Variants in KIAA0586 observed in about 807,000 individuals in gnomAD.
KIAA0586 encodes KIAA0586, also known as protein TALPID3.
In KIAA0586, 144 loss-of-function variants were observed where a neutral mutation model predicts 169.8. The ratio of observed to expected loss-of-function variants is 0.85; its 90% CI spans 0.74 to 0.97. The LOEUF is 0.97. KIAA0586 is among the 50% of genes least tolerant of loss of function. The probability of loss-of-function intolerance (pLI) is 0.00; values close to 1 mark genes in which losing one functional copy is unlikely to be tolerated. For missense variants in KIAA0586, 1,854 were observed against 1,823.0 expected (o/e 1.02, Z -0.31); for synonymous variants, 625 against 612.4 (o/e 1.02, Z -0.30).
intron 4 of KIAA0586, 34 bp from the exon 5 acceptor site, chr14:58,442,672 A>G (rs146550126): frequency 2.9e-6 from 4 of 1,401,392 alleles, no homozygotes; most frequent in Middle Eastern, 1.8e-4. Context: ...AATGTAGTTT[A>G]CTGAATACAT....
chr14:58,493,003 T>C (rs185229614), intron 26 of KIAA0586, among the ~76,000 whole-genome samples: 1 of 152,316 alleles, frequency 6.6e-6, no homozygotes, highest in East Asian at 1.9e-4. Flanking sequence ...GCTTGGGCAC[T>C]GTGGAGCCCA....
chr14:58,498,318 G>T (rs1459289847), intron 26 of KIAA0586, among the ~76,000 whole-genome samples: 1 of 152,194 alleles, frequency 6.6e-6, no homozygotes, highest in Middle Eastern at 3.4e-3. Flanking sequence ...TGGGACTACA[G>T]GTGTGTGCTG....
At chr14:58,443,898 G>T in intron 5 of KIAA0586, 56 bp from the exon 6 acceptor site, 1 of 997,006 alleles carries the variant, frequency 1.0e-6, no homozygotes, top group Non-Finnish European at 1.5e-6. Context: ...CTAGTAATTA[G>T]ACATATTTTT....
Position 58,527,417 on chromosome 14 carries a change from G to C in KIAA0586, c.4430-12654G>C, listed in dbSNP as rs538878166. On this transcript the variant is annotated intron_variant, in intron 29 of 30. Coordinates refer to ENST00000652326, the MANE Select transcript of KIAA0586 (RefSeq NM_001329943.3). ...ACACATAATCGTCAGATTCAACAAG[G>C]TTGAAATGAAGGAAAAAATGTTAAG... is the stretch of plus-strand genomic sequence containing the variant. 2.0e-3 allele frequency among the ~76,000 whole-genome samples: 299 copies of C among 152,250 alleles called. 1 individual carries two copies. Among genetic ancestry groups the C allele is most frequent in the African/African-American group, 6.9e-3 (287 of 41,526 alleles).
In KIAA0586 at chr14:58,470,706, G is replaced by C. The variant is rs747245461; in HGVS notation, c.2536G>C (p.Val846Leu). The C allele has an allele frequency of 3.9e-5, 62 of 1,571,476 alleles. 1 individual carries two copies. The East Asian group carries it at 1.3e-3, about 34-fold the overall frequency. The change falls in exon 17 of 31, where the codon GTG becomes CTG. Residue 846 changes from valine (V) to leucine (L), a missense_variant. Physicochemically the swap from Val to Leu is conservative, Grantham distance 32 (BLOSUM62 1). Transcript: ENST00000652326. ...SSPKEASLPP[V>L]QTWIKTPEIM... ...CCCCAAAGAAGCATCTCTTCCTCCT[G>C]TGCAAACTTGGATAAAGGTATATTT...
chr14:58,470,659 A>T lies in KIAA0586; in HGVS notation c.2489A>T (p.Asp830Val). Residue 830 changes from aspartate (D) to valine (V), a missense_variant, in exon 17 of 31, where the codon GAT (aspartate) becomes GTT (valine). Coordinates refer to ENST00000652326, the MANE Select transcript of KIAA0586 (RefSeq NM_001329943.3). ...GACAGCATTTCAAATAGTAGTGCTGATGTCCTTTCACCTCTGTCTAGCCCC... is the reference window on the plus strand; with the variant it reads ...GACAGCATTTCAAATAGTAGTGCTGTTGTCCTTTCACCTCTGTCTAGCCCC... Reference protein sequence around the residue: ...DIDSISNSSADVLSPLSSPKE... With the variant: ...DIDSISNSSAVVLSPLSSPKE... 1 of 1,610,508 alleles carries T rather than the reference A, an allele frequency of 6.2e-7. No homozygotes were observed. The highest frequency in any genetic ancestry group is 8.5e-7 in the Non-Finnish European group (1 of 1,177,062).
intron 10 of KIAA0586, 66 bp from the exon 11 acceptor site, chr14:58,457,693 A>G (rs750600899): frequency 7.9e-5 from 78 of 982,646 alleles, no homozygotes; most frequent in Non-Finnish European, 1.2e-4. Context: ...CAATAGTGAT[A>G]GCTGTTATTT....
chr14:58,468,685 G>T (rs1021766479), intron 16 of KIAA0586, among the ~76,000 whole-genome samples: 2 of 152,190 alleles, frequency 1.3e-5, no homozygotes, highest in Non-Finnish European at 2.9e-5. Context: ...CACTAGGTCT[G>T]GACAAAGGTG....
At chr14:58,444,401 T>C (rs1566795169) in intron 6 of KIAA0586, among the ~76,000 whole-genome samples, 1 of 152,172 alleles carries the variant, frequency 6.6e-6, no homozygotes, top group Non-Finnish European at 1.5e-5. Context: ...TTCCTCCTTT[T>C]ACACTATTTT....
In KIAA0586 at chr14:58,444,136, G is replaced by A; in HGVS notation, c.768G>A (p.Arg256=). The A allele has an allele frequency of 1.9e-6, 3 of 1,613,290 alleles. No homozygotes were observed. The highest frequency in any genetic ancestry group is 1.1e-5 in the South Asian group (1 of 90,994). ...ATGTGTTTATGGAGCAGCACATAAGGCATCTTGAAAAGTTACAACAACAAC... is the reference window on the plus strand; with the variant it reads ...ATGTGTTTATGGAGCAGCACATAAGACATCTTGAAAAGTTACAACAACAAC... ...QMNVFMEQHI[R]HLEKLQQQQI... is the part of the protein sequence containing the mutation. The change falls in exon 6 of 31, where the codon AGG becomes AGA. Residue 256 remains arginine, a synonymous_variant. Coordinates refer to ENST00000652326, the MANE Select transcript of KIAA0586 (RefSeq NM_001329943.3).
At chr14:58,470,744 A>G (rs1335776987) in intron 17 of KIAA0586, 21 bp downstream of exon 17, 1 of 1,260,086 alleles carries the variant, frequency 7.9e-7, no homozygotes, top group Non-Finnish European at 1.2e-6. Context: ...GAATTTTATC[A>G]TATTATTTTG....
At position 58,485,724 on chromosome 14, in the gene KIAA0586, A is replaced by T. The variant is rs183079733; in HGVS notation, c.3145-1283A>T. 1.2e-4 allele frequency among the ~76,000 whole-genome samples: 18 copies of T among 152,292 alleles called. 1 individual carries two copies. Among genetic ancestry groups the T allele is most frequent in the Non-Finnish European group, 7.3e-5 (5 of 68,036 alleles). ...ATTACCTATTCAACAAATTAATATT[A>T]AATTGTTACATTTTTCCTTCTCCAG... On this transcript the variant is annotated intron_variant, in intron 21 of 30. Coordinates refer to ENST00000652326, the MANE Select transcript of KIAA0586 (RefSeq NM_001329943.3).
chr14:58,525,841 C>G (rs896174706), intron 29 of KIAA0586, among the ~76,000 whole-genome samples: 2 of 152,216 alleles, frequency 1.3e-5, no homozygotes, highest in Non-Finnish European at 2.9e-5. Context: ...GCACAGCAGT[C>G]TGAAGTCGAC....
At chr14:58,554,711 T>C (rs1353098820), downstream of KIAA0586, among the ~76,000 whole-genome samples, 1 of 152,242 alleles carries the variant, frequency 6.6e-6, no homozygotes, top group Non-Finnish European at 1.5e-5. Flanking sequence ...GTAAATCTTC[T>C]TGGCTTTGAA....
the KIAA0586 span, among the ~76,000 whole-genome samples, chr14:58,558,043 G>A: frequency 2.0e-5 from 3 of 150,934 alleles, no homozygotes; most frequent in Non-Finnish European, 4.4e-5. Flanking sequence ...CTGAGGAGCT[G>A]GGACTACAGG....
chr14:58,433,446 C>G lies in KIAA0586; in HGVS notation c.410+989C>G, dbSNP rs544405792. 1.2e-4 allele frequency: 18 copies of G among 152,306 alleles called. 1 individual carries two copies. Among genetic ancestry groups the G allele is most frequent in the African/African-American group, 4.1e-4 (17 of 41,572 alleles). 9.4% of individuals were successfully genotyped at this position (152,306 alleles called of 1,614,324 possible). On this transcript the variant is annotated intron_variant, in intron 4 of 30. Transcript: ENST00000652326. ...TTTGTCTTAAGAAATTTTCTACCTT[C>G]TGGATTTTGCTGAATGTATCCTTTT...
intron 29 of KIAA0586, among the ~76,000 whole-genome samples, chr14:58,537,780 TG>T (rs769769115): frequency 3.9e-4 from 59 of 152,028 alleles, no homozygotes; most frequent in Non-Finnish European, 7.1e-4. Flanking sequence ...CCCGAGTAGC[TG>T]GGACTACAGG....
intron 8 of KIAA0586, among the ~76,000 whole-genome samples, chr14:58,451,637 G>C (rs566875997): frequency 6.6e-6 from 1 of 152,128 alleles, no homozygotes; most frequent in Non-Finnish European, 1.5e-5. Context: ...ATAATAAAAC[G>C]TAGAGAAACT....
intron 29 of KIAA0586, among the ~76,000 whole-genome samples, chr14:58,523,931 A>G (rs2045396712): frequency 6.6e-6 from 1 of 152,198 alleles, no homozygotes; most frequent in East Asian, 1.9e-4. Context: ...TACAAATGCT[A>G]TTCTTCTAAT....
Sources: gnomAD v4.1 joint callset for allele counts (sites outside exome capture counted in the v4.1 genomes callset) on GRCh38, gnomAD v4.1.1 for gene constraint, MANE v1.5 for transcripts, NCBI Gene and HGNC (gene_info 2026-07-23, HGNC 2026-07-21) for gene names.